STK33: variants seen among roughly 807,000 people sequenced by gnomAD.
STK33 encodes the protein serine/threonine kinase 33.
STK33 carries 52 observed loss-of-function variants against 58.0 expected under a neutral mutation model. The observed-to-expected ratio is 0.90, with a 90% CI of 0.72 to 1.13. The LOEUF (loss-of-function observed/expected upper bound fraction) is 1.13. STK33 is among the 50% of genes most tolerant of loss of function. The pLI is 0.00. For missense variants in STK33, 630 were observed against 604.2 expected (o/e 1.04, Z -0.45); for synonymous variants, 215 against 200.1 (o/e 1.07, Z -0.63).
chr11:8,517,922 A>G (rs1952963352), intron 1 of STK33, among the ~76,000 whole-genome samples: 1 of 152,178 alleles, frequency 6.6e-6, no homozygotes, highest in Non-Finnish European at 1.5e-5. Context: ...ACTCTCCAGG[A>G]TATTATCCAG....
At chr11:8,558,398 TACACACAC>T (rs71059170) in intron 1 of STK33, among the ~76,000 whole-genome samples, 1 of 149,686 alleles carries the variant, frequency 6.7e-6, no homozygotes, top group Non-Finnish European at 1.5e-5. Context: ...TTGTCAGTGA[TACACACAC>T]ACACACACAC....
intron 15 of STK33, among the ~76,000 whole-genome samples, chr11:8,398,864 C>G (rs1232115909): frequency 6.6e-6 from 1 of 150,876 alleles, no homozygotes; most frequent in Non-Finnish European, 1.5e-5. Context: ...TCAAAAGAGA[C>G]AAAGAAGGCC....
intron 1 of STK33, among the ~76,000 whole-genome samples, chr11:8,516,313 GT>G (rs1952776875): frequency 6.6e-6 from 1 of 152,192 alleles, no homozygotes; most frequent in Admixed American, 6.5e-5. Context: ...AGAAAGAACA[GT>G]CTCTTCAACA....
chr11:8,396,242 T>C (rs1233679845), intron 15 of STK33, among the ~76,000 whole-genome samples: 1 of 152,222 alleles, frequency 6.6e-6, no homozygotes, highest in Admixed American at 6.5e-5. Context: ...TAGTTGGGAT[T>C]GCAGGTACAC....
rs368727857 is a variant in STK33, at chr11:8,449,731, T to G, written c.871+3091A>C. 5.9e-5 allele frequency among the ~76,000 whole-genome samples: 9 copies of G among 152,174 alleles called. No homozygotes were observed. In the East Asian group the frequency reaches 1.5e-3, roughly 26 times the overall value. ...CCAACATGGCACATGTATACATATG[T>G]AACTAACCTGCACGTTGTGCACATG... On this transcript the variant is annotated intron_variant, in intron 11 of 15. Coordinates refer to ENST00000687296, the MANE Select transcript of STK33 (RefSeq NM_001352389.2).
intron 6 of STK33, among the ~76,000 whole-genome samples, chr11:8,468,152 A>C (rs904956428): frequency 2.0e-5 from 3 of 152,164 alleles, no homozygotes; most frequent in African/African-American, 7.2e-5. Context: ...AAGGAGGAGC[A>C]AGTCACATCT....
chr11:8,352,164 A>C, the STK33 span, among the ~76,000 whole-genome samples: 1 of 152,114 alleles, frequency 6.6e-6, no homozygotes, highest in South Asian at 2.1e-4. Context: ...GTTTGGGGGA[A>C]AAGGAGTTTA....
rs541126483 is a variant in STK33 at position 8,462,472 on chromosome 11, C to CACATATAT, written c.454-564_454-563insATATATGT. On this transcript the variant is annotated intron_variant, in intron 7 of 15. Coordinates refer to ENST00000687296, the MANE Select transcript of STK33 (RefSeq NM_001352389.2). ...ACACACACACACACACACACACACACATATATATATATATGTATGTATGAA... is the reference window on the plus strand; with the variant it reads ...ACACACACACACACACACACACACACACATATATATATATATATATATGTATGTATGAA... Among the ~76,000 whole-genome samples the CACATATAT allele has an allele frequency of 1.1e-3, 159 of 141,912 alleles. 2 individuals are homozygous for CACATATAT. Among genetic ancestry groups the CACATATAT allele is most frequent in the African/African-American group, 4.1e-3 (155 of 37,748 alleles). The allele number at this position is 141,912 out of a possible 152,430, so 93.1% of individuals were successfully genotyped here.
the STK33 span, among the ~76,000 whole-genome samples, chr11:8,373,863 T>C: frequency 6.6e-6 from 1 of 152,194 alleles, no homozygotes; most frequent in Non-Finnish European, 1.5e-5. Context: ...GAGGGGGCTG[T>C]GGCTGCAGCT....
At chr11:8,557,336 AGGAG>A (rs1956834034) in intron 1 of STK33, among the ~76,000 whole-genome samples, 1 of 139,160 alleles carries the variant, frequency 7.2e-6, no homozygotes, top group Non-Finnish European at 1.6e-5. Context: ...GAGGGAGGCA[AGGAG>A]GGAGGGAGGA....
chr11:8,500,693 T>C (rs1004026564), intron 1 of STK33, among the ~76,000 whole-genome samples: 4 of 152,172 alleles, frequency 2.6e-5, no homozygotes, highest in Admixed American at 2.6e-4. Flanking sequence ...AATTGTAAAG[T>C]TCATATGAAA....
chr11:8,425,487 A>T (rs1423340659), intron 14 of STK33, among the ~76,000 whole-genome samples: 1 of 152,196 alleles, frequency 6.6e-6, no homozygotes, highest in Non-Finnish European at 1.5e-5. Context: ...TTGGTTTCAT[A>T]TGAACTTTAA....
intron 1 of STK33, among the ~76,000 whole-genome samples, chr11:8,536,950 TAAAAA>T (rs879045592): frequency 4.6e-5 from 4 of 86,914 alleles, no homozygotes; most frequent in African/African-American, 8.6e-5. Flanking sequence ...CCCAGCTAAT[TAAAAA>T]AAAAAAAAAA....
chr11:8,506,726 C>A (rs1303158598), intron 1 of STK33, among the ~76,000 whole-genome samples: 3 of 152,134 alleles, frequency 2.0e-5, no homozygotes, highest in Non-Finnish European at 2.9e-5. Context: ...ACGTGGACAC[C>A]TTTGGGGGGC....
chr11:8,461,794 TAG>T lies in STK33; in HGVS notation c.558+9_558+10del. The T allele has an allele frequency of 6.4e-7, 1 of 1,559,930 alleles. No individual in the cohort carries two copies. On this transcript the variant is annotated intron_variant, in intron 8 of 15. Transcript: ENST00000687296. Reference sequence around the variant, plus strand: ...ACAACTTTCAAAATGCAGCGCCTAATAGAGGTTTACCTTTGGCGTTTCAAATA... The same window carrying T: ...ACAACTTTCAAAATGCAGCGCCTAATAGGTTTACCTTTGGCGTTTCAAATA...
the STK33 span, among the ~76,000 whole-genome samples, chr11:8,334,829 G>A: frequency 6.6e-6 from 1 of 152,140 alleles, no homozygotes; most frequent in Non-Finnish European, 1.5e-5. Context: ...CTCCAAGGCT[G>A]ATCCAGAACC....
chr11:8,379,315 G>GCTT, the STK33 span, among the ~76,000 whole-genome samples: 12 of 152,106 alleles, frequency 7.9e-5, 1 homozygote, highest in African/African-American at 2.7e-4. Flanking sequence ...AAACTAAAAG[G>GCTT]CTTCTGCACA....
rs371270258 is a variant in STK33 at position 8,435,590 on chromosome 11, G to T, written c.1061-11C>A. 3.5e-6 allele frequency: 5 copies of T among 1,447,356 alleles called. No individual in the cohort carries two copies. The African/African-American group carries it at 7.1e-5, about 21-fold the overall frequency. 89.7% of individuals were successfully genotyped at this position (1,447,356 alleles called of 1,614,324 possible). ...TCAAAACACTTTTAGCTAAAAATAA[G>T]AAAAAAATCCTGAAAAATCTTATTT... On this transcript the variant is annotated splice_polypyrimidine_tract_variant and intron_variant, in intron 13 of 15. Coordinates refer to ENST00000687296, the MANE Select transcript of STK33 (RefSeq NM_001352389.2).
At chr11:8,583,575 T>TATTC (rs2030849470) in intron 1 of STK33, among the ~76,000 whole-genome samples, 1 of 152,170 alleles carries the variant, frequency 6.6e-6, no homozygotes. Flanking sequence ...GTCATCAAGT[T>TATTC]ATTCATTCTG....
Sources: gnomAD v4.1 joint callset for allele counts (sites outside exome capture counted in the v4.1 genomes callset) on GRCh38, gnomAD v4.1.1 for gene constraint, MANE v1.5 for transcripts, NCBI Gene and HGNC (gene_info 2026-07-23, HGNC 2026-07-21) for gene names.